FUBP3: variants seen among roughly 807,000 people sequenced by gnomAD.
FUBP3 encodes the protein far upstream element binding protein 3.
FUBP3 carries 28 observed loss-of-function variants against 85.6 expected under a neutral mutation model. The observed-to-expected ratio is 0.33, with a 90% CI of 0.24 to 0.45. The LOEUF is 0.45. Ranked by LOEUF, FUBP3 falls within the 20% of genes least tolerant of loss-of-function variation. FUBP3 has a pLI of 1.00. For missense variants in FUBP3, 583 were observed against 755.1 expected (o/e 0.77, Z 2.67); for synonymous variants, 271 against 271.4 (o/e 1.00, Z 0.01).
intron 18 of FUBP3, among the ~76,000 whole-genome samples, chr9:130,636,520 C>T (rs560249024): frequency 6.6e-6 from 1 of 152,354 alleles, no homozygotes; most frequent in East Asian, 1.9e-4. Flanking sequence ...GTGGCCAGGC[C>T]GTCAGCCATG....
At position 130,616,200 on chromosome 9, in the gene FUBP3, CAG is replaced by C. The variant is rs1831999609; in HGVS notation, c.405-149_405-148del. Among the ~76,000 whole-genome samples, 1 of 152,280 alleles carries C rather than the reference CAG, an allele frequency of 6.6e-6. No individual in the cohort carries two copies. Among genetic ancestry groups the C allele is most frequent in the African/African-American group, 2.4e-5 (1 of 41,544 alleles). On this transcript the variant is annotated intron_variant, in intron 6 of 18. Transcript: ENST00000319725. The surrounding 1 kb of genome is among the most constrained non-coding windows in gnomAD (Gnocchi z 4.7). ...TCCAGCCCGGTAGCGTGGCGGATGG[CAG>C]AGAGACCTCCGGGTTGTGGGGGCAG...
intron 18 of FUBP3, 160 bp downstream of exon 18, chr9:130,636,286 C>G: frequency 1.3e-6 from 1 of 759,696 alleles, no homozygotes; most frequent in Non-Finnish European, 2.3e-6. Context: ...GAGCCCGGCT[C>G]CAGCCCCTCT....
intron 1 of FUBP3, among the ~76,000 whole-genome samples, chr9:130,582,595 A>G (rs189632686): frequency 9.0e-4 from 137 of 152,350 alleles, no homozygotes; most frequent in Non-Finnish European, 7.4e-5. Flanking sequence ...TGTTTCTTCA[A>G]CTAGTTCAGA....
chr9:130,587,966 G>A (rs552844009), intron 1 of FUBP3, among the ~76,000 whole-genome samples: 1 of 152,266 alleles, frequency 6.6e-6, no homozygotes, highest in East Asian at 1.9e-4. Flanking sequence ...CTCCCAAGAA[G>A]AGCTGCATCT....
chr9:130,625,927 T>C (rs1450713459), intron 11 of FUBP3, among the ~76,000 whole-genome samples: 1 of 152,184 alleles, frequency 6.6e-6, no homozygotes, highest in Non-Finnish European at 1.5e-5. Context: ...CAGTGCCTGG[T>C]TGGGGAGGGT....
At chr9:130,604,188 C>G (rs1202624830) in intron 2 of FUBP3, among the ~76,000 whole-genome samples, 2 of 152,106 alleles carry the variant, frequency 1.3e-5, no homozygotes, top group African/African-American at 4.8e-5. Flanking sequence ...GAACGGAGAA[C>G]AGATTAGTGG....
chr9:130,631,763 C>T, intron 14 of FUBP3, 133 bp downstream of exon 14: 1 of 843,820 alleles, frequency 1.2e-6, no homozygotes, highest in East Asian at 2.6e-5. Context: ...CGTTTCTTTT[C>T]CTCTCACCAG....
chr9:130,634,536 G>GGTGGTGGGA lies in FUBP3; in HGVS notation c.1511-130_1511-129insTGGTGGGAG. On this transcript the variant is annotated intron_variant, in intron 16 of 18. Coordinates refer to ENST00000319725, the MANE Select transcript of FUBP3 (RefSeq NM_003934.2). The stretch of plus-strand genomic sequence containing the variant: ...CCTGCCAGCTGCCACCTCCTTCCCA[G>GGTGGTGGGA]GCAGGGCTGCGGAGCCGTGTGTGGC... 5 of 661,500 alleles carry GGTGGTGGGA rather than the reference G, an allele frequency of 7.6e-6. No individual in the cohort carries two copies. In the East Asian group the frequency reaches 1.4e-4, roughly 18 times the overall value. The allele number at this position is 661,500 out of a possible 1,614,324, so 41.0% of individuals were successfully genotyped here. A position where few individuals can be genotyped will look rare whatever the true frequency, so the allele number is the denominator to read the frequency against.
intron 9 of FUBP3, among the ~76,000 whole-genome samples, chr9:130,621,484 C>T (rs1588152271): frequency 1.3e-5 from 2 of 152,266 alleles, no homozygotes; most frequent in South Asian, 4.1e-4. Flanking sequence ...CAAGTCCAGC[C>T]CAGGTAACAG....
intron 17 of FUBP3, among the ~76,000 whole-genome samples, chr9:130,634,979 C>G (rs567154707): frequency 2.2e-4 from 34 of 152,184 alleles, no homozygotes; most frequent in Admixed American, 6.5e-4. Context: ...TCTTTATTCT[C>G]CCCGTGCTGG....
intron 17 of FUBP3, 80 bp downstream of exon 17, chr9:130,634,818 CCT>C: frequency 9.3e-7 from 1 of 1,080,444 alleles, no homozygotes; most frequent in East Asian, 2.5e-5. Context: ...CTCACTGTCA[CCT>C]CTTTTTTCCC....
intron 1 of FUBP3, chr9:130,580,971 C>G (rs988145958): frequency 3.9e-5 from 6 of 152,392 alleles, no homozygotes; most frequent in African/African-American, 1.4e-4. Flanking sequence ...GAACATGCCA[C>G]CCAGCTCCCC....
At chr9:130,606,744 C>T (rs1326320537) in intron 2 of FUBP3, among the ~76,000 whole-genome samples, 2 of 151,962 alleles carry the variant, frequency 1.3e-5, no homozygotes, top group African/African-American at 2.4e-5. Flanking sequence ...CGCTTGAACC[C>T]AGGAGGCAGA....
At position 130,613,150 on chromosome 9, in the gene FUBP3, T is replaced by C. The variant is rs564121651; in HGVS notation, c.346+123T>C. On this transcript the variant is annotated intron_variant, in intron 5 of 18. Coordinates refer to ENST00000319725, the MANE Select transcript of FUBP3 (RefSeq NM_003934.2). ...TGCGATTAGTGTTTTCCTTGCACTT[T>C]GGGAGTTGGACTCCTAAATGAGAAC... 42 of 652,058 alleles carry C rather than the reference T, an allele frequency of 6.4e-5. No individual in the cohort carries two copies. In the East Asian group the frequency reaches 7.9e-4, roughly 12 times the overall value. The allele number at this position is 652,058 out of a possible 1,614,324, so 40.4% of individuals were successfully genotyped here.
chr9:130,607,539 G>T (rs1163851545), intron 2 of FUBP3, among the ~76,000 whole-genome samples: 3 of 152,144 alleles, frequency 2.0e-5, no homozygotes, highest in Admixed American at 6.5e-5. Context: ...ACAGGAAAAT[G>T]AGTGTAGTTC....
intron 2 of FUBP3, chr9:130,596,512 G>A (rs560223548): frequency 6.5e-6 from 1 of 153,436 alleles, no homozygotes; most frequent in African/African-American, 2.5e-5. Context: ...AGGAATTCTT[G>A]TTTTTTTTTT....
chr9:130,617,019 G>C (rs1832041789), intron 7 of FUBP3, among the ~76,000 whole-genome samples: 1 of 152,220 alleles, frequency 6.6e-6, no homozygotes, highest in South Asian at 2.1e-4. Flanking sequence ...GTTACTGAGT[G>C]AATGTTCCAT....
chr9:130,582,386 G>A (rs1830165377), intron 1 of FUBP3, among the ~76,000 whole-genome samples: 1 of 152,046 alleles, frequency 6.6e-6, no homozygotes, highest in African/African-American at 2.4e-5. Flanking sequence ...TGGAGATCAA[G>A]GCTGCAGTGA....
intron 2 of FUBP3, chr9:130,596,579 G>A (rs1299657660): frequency 1.2e-5 from 4 of 341,104 alleles, no homozygotes; most frequent in East Asian, 1.1e-4. Flanking sequence ...CAGTGGCGCC[G>A]TTGAACTCCT....
Sources: gnomAD v4.1 joint callset for allele counts (sites outside exome capture counted in the v4.1 genomes callset) on GRCh38, gnomAD v4.1.1 for gene constraint, Gnocchi (gnomAD v3.1) non-coding constraint, MANE v1.5 for transcripts, NCBI Gene and HGNC (gene_info 2026-07-23, HGNC 2026-07-21) for gene names.